BBS9: variants seen among roughly 807,000 people sequenced by gnomAD.
The protein encoded by BBS9 is Bardet-Biedl syndrome 9, also known as protein PTHB1.
Under a neutral mutation model 117.7 loss-of-function variants are expected in BBS9, and 89 were observed. The ratio of observed to expected loss-of-function variants is 0.76; its 90% confidence interval spans 0.64 to 0.90. The LOEUF (loss-of-function observed/expected upper bound fraction) is 0.90, where lower values mean the gene tolerates loss of function less well. Among genes scored for constraint, BBS9 ranks in the 40% least tolerant of loss-of-function variants. The pLI is 0.00. For synonymous variants in BBS9, 379 were observed against 370.9 expected (o/e 1.02, Z -0.25); for missense variants, 982 against 1,042.2 (o/e 0.94, Z 0.80).
chr7:33,608,945 A>G (rs1040822758), downstream of BBS9, among the ~76,000 whole-genome samples: 1 of 152,138 alleles, frequency 6.6e-6, no homozygotes, highest in African/African-American at 2.4e-5. Flanking sequence ...ACCAATGTCC[A>G]GAATGATGTT....
chr7:33,395,961 A>G (rs1375697683), intron 19 of BBS9, among the ~76,000 whole-genome samples: 1 of 152,138 alleles, frequency 6.6e-6, no homozygotes, highest in African/African-American at 2.4e-5. Context: ...TCATATAACC[A>G]CTTAAGAGCT....
At chr7:33,449,856 G>T (rs369633630) in intron 19 of BBS9, among the ~76,000 whole-genome samples, 7 of 152,108 alleles carry the variant, frequency 4.6e-5, no homozygotes, top group African/African-American at 4.8e-5. Context: ...GCAAACAAAC[G>T]CATAAAGATA....
At chr7:33,260,898 C>T (rs1298559341) in intron 6 of BBS9, among the ~76,000 whole-genome samples, 1 of 152,184 alleles carries the variant, frequency 6.6e-6, no homozygotes. Context: ...CCCTCAATAG[C>T]TCCTAATACA....
Position 33,312,311 on chromosome 7 carries a change from T to A in BBS9, c.1017-24130T>A, listed in dbSNP as rs180752632. Among the ~76,000 whole-genome samples, 9 of 152,368 alleles carry A rather than the reference T, an allele frequency of 5.9e-5. No homozygotes were observed. The East Asian group carries it at 1.7e-3, about 29-fold the overall frequency. On this transcript the variant is annotated intron_variant, in intron 9 of 22. Coordinates refer to ENST00000242067, the MANE Select transcript of BBS9 (RefSeq NM_198428.3). The stretch of plus-strand genomic sequence containing the variant: ...AGCGGGATATAGGCATCTGTCTTCC[T>A]TAGTGACTGGAAATGAATATACTTC...
At chr7:33,508,545 A>G (rs1185881280) in intron 20 of BBS9, among the ~76,000 whole-genome samples, 1 of 152,242 alleles carries the variant, frequency 6.6e-6, no homozygotes, top group African/African-American at 2.4e-5. Flanking sequence ...ATGGGGCTAC[A>G]TGTGAATGAG....
chr7:33,466,594 T>C (rs1840202784), intron 19 of BBS9, among the ~76,000 whole-genome samples: 3 of 152,152 alleles, frequency 2.0e-5, no homozygotes, highest in Admixed American at 2.0e-4. Context: ...TTCGGTTGTT[T>C]CCATATCTTG....
chr7:33,478,612 A>G (rs1235977663), intron 19 of BBS9, among the ~76,000 whole-genome samples: 1 of 152,258 alleles, frequency 6.6e-6, no homozygotes, highest in Non-Finnish European at 1.5e-5. Context: ...GTTCTTATCA[A>G]GAGCTTTGCT....
intron 19 of BBS9, among the ~76,000 whole-genome samples, chr7:33,410,905 A>G (rs1033129875): frequency 6.6e-6 from 1 of 151,218 alleles, no homozygotes; most frequent in Admixed American, 6.6e-5. Flanking sequence ...TAAGATCCAT[A>G]GTACTTTTAT....
intron 19 of BBS9, among the ~76,000 whole-genome samples, chr7:33,438,262 C>T (rs910276586): frequency 2.0e-5 from 3 of 152,106 alleles, no homozygotes; most frequent in South Asian, 2.1e-4. Flanking sequence ...ATATTTTTAA[C>T]CTCAGGGTAG....
chr7:33,220,053 C>T (rs1442937197), intron 5 of BBS9, among the ~76,000 whole-genome samples: 1 of 152,184 alleles, frequency 6.6e-6, no homozygotes, highest in South Asian at 2.1e-4. Context: ...AACTGTAACA[C>T]TCACCGCGAG....
intron 19 of BBS9, among the ~76,000 whole-genome samples, chr7:33,484,747 G>A (rs1437214685): frequency 1.3e-5 from 2 of 152,174 alleles, no homozygotes; most frequent in Non-Finnish European, 2.9e-5. Context: ...ATTCCTCAAA[G>A]ATCTAGAGGC....
intron 20 of BBS9, among the ~76,000 whole-genome samples, chr7:33,520,516 A>G (rs1457727896): frequency 1.3e-5 from 2 of 152,160 alleles, no homozygotes; most frequent in Non-Finnish European, 2.9e-5. Context: ...TTTTTTACTG[A>G]TGAGGGAACT....
chr7:33,259,870 A>AT (rs1260880544), intron 6 of BBS9, among the ~76,000 whole-genome samples: 1 of 143,074 alleles, frequency 7.0e-6, no homozygotes, highest in Non-Finnish European at 1.5e-5. Context: ...TCAGGCCTAT[A>AT]TTTTTTCACT....
chr7:33,232,001 A>T (rs78618312), intron 5 of BBS9, among the ~76,000 whole-genome samples: 1 of 152,086 alleles, frequency 6.6e-6, no homozygotes, highest in Non-Finnish European at 1.5e-5. Flanking sequence ...GCTCAACATT[A>T]TAGGATGAAT....
chr7:33,278,225 A>G (rs1329832821), intron 9 of BBS9, among the ~76,000 whole-genome samples: 2 of 152,168 alleles, frequency 1.3e-5, no homozygotes, highest in Non-Finnish European at 2.9e-5. Flanking sequence ...GGTGTAAGCT[A>G]TGATATGGGA....
chr7:33,593,626 C>T (rs551563541), intron 21 of BBS9, among the ~76,000 whole-genome samples: 6 of 152,194 alleles, frequency 3.9e-5, no homozygotes, highest in African/African-American at 1.4e-4. Flanking sequence ...TGTGCTGAAC[C>T]CAGCTGCTTT....
intron 21 of BBS9, among the ~76,000 whole-genome samples, chr7:33,578,458 T>C (rs2598396): frequency 1 from 152,032 of 152,342 alleles, 75,861 homozygotes; most frequent in Middle Eastern, 1. Context: ...CTGCTTCTTC[T>C]TTTTTCACAG....
intron 21 of BBS9, chr7:33,534,419 A>G (rs1393971145): frequency 1.8e-6 from 1 of 555,682 alleles, no homozygotes; most frequent in African/African-American, 1.9e-5. Flanking sequence ...TAAATATATG[A>G]TCCATTTTGT....
At chr7:33,609,234 A>T (rs1864743296), downstream of BBS9, among the ~76,000 whole-genome samples, 1 of 152,124 alleles carries the variant, frequency 6.6e-6, no homozygotes, top group Non-Finnish European at 1.5e-5. Context: ...TTGACAACTC[A>T]TTAGCCAGTT....
Sources: allele counts gnomAD v4.1 joint callset (sites outside exome capture counted in the v4.1 genomes callset), GRCh38; gene constraint gnomAD v4.1.1; transcripts MANE v1.5; gene names NCBI Gene and HGNC (gene_info 2026-07-23, HGNC 2026-07-21).